The following HIBADH variants were observed in gnomAD, a reference collection of about 807,000 sequenced individuals.
HIBADH encodes 3-hydroxyisobutyrate dehydrogenase, mitochondrial.
In HIBADH, 25 loss-of-function variants were observed where a neutral mutation model predicts 36.1. The observed-to-expected ratio is 0.69, with a 90% CI of 0.50 to 0.97. HIBADH has a LOEUF of 0.97. Among genes scored for constraint, HIBADH ranks in the 50% least tolerant of loss-of-function variants. The pLI is 0.00. For synonymous variants in HIBADH, 160 were observed against 149.5 expected (o/e 1.07, Z -0.51); for missense variants, 421 against 418.0 (o/e 1.01, Z -0.06).
intron 4 of HIBADH, among the ~76,000 whole-genome samples, chr7:27,613,141 AATATATTTTATATAAATAT>A (rs1198710997): frequency 8.4e-6 from 1 of 118,746 alleles, no homozygotes; most frequent in East Asian, 2.2e-4. Context: ...TATTTATATA[AATATATTTTATATAAATAT>A]ATATATTTAT....
Position 27,603,057 on chromosome 7 carries a change from T to C in HIBADH, c.484+26314A>G, listed in dbSNP as rs368815142. Among the ~76,000 whole-genome samples the C allele has an allele frequency of 2.4e-4, 36 of 152,212 alleles. No homozygotes were observed. In the East Asian group the frequency reaches 5.4e-3, roughly 23 times the overall value. On this transcript the variant is annotated intron_variant, in intron 4 of 7. Coordinates refer to ENST00000265395, the MANE Select transcript of HIBADH (RefSeq NM_152740.4). The stretch of plus-strand genomic sequence containing the variant: ...TGTCGTTTTCACCCCTTTTTTCTTC[T>C]CCCTTGCTTGCTCATGCCCCCTCAC...
intron 4 of HIBADH, among the ~76,000 whole-genome samples, chr7:27,564,304 A>G (rs747280230): frequency 1.1e-4 from 16 of 152,166 alleles, no homozygotes; most frequent in Non-Finnish European, 1.8e-4. Flanking sequence ...ATTTTCTCAT[A>G]TATTTTCTTC....
chr7:27,527,918 G>GT (rs746260280), intron 7 of HIBADH, among the ~76,000 whole-genome samples: 3,246 of 61,498 alleles, frequency 0.053, 148 homozygotes, highest in Non-Finnish European at 0.077. Flanking sequence ...CACACCCAGC[G>GT]TTTTTTTTTT....
chr7:27,629,306 C>A, intron 4 of HIBADH, 65 bp downstream of exon 4: 2 of 1,519,748 alleles, frequency 1.3e-6, no homozygotes, highest in South Asian at 1.3e-5. Context: ...TATGGTACAA[C>A]AAAACCATAA....
intron 4 of HIBADH, among the ~76,000 whole-genome samples, chr7:27,564,962 C>A (rs1784524143): frequency 6.6e-6 from 1 of 152,126 alleles, no homozygotes; most frequent in South Asian, 2.1e-4. Context: ...GAAATCTGGG[C>A]CCTTGCTGAT....
At chr7:27,572,148 T>C (rs1784638167) in intron 4 of HIBADH, among the ~76,000 whole-genome samples, 1 of 152,194 alleles carries the variant, frequency 6.6e-6, no homozygotes, top group Non-Finnish European at 1.5e-5. Flanking sequence ...CCAGAGCCCC[T>C]GTTTTCTGGA....
At chr7:27,527,058 CAATGTGACAGCAAAT>C (rs1358356749) in intron 7 of HIBADH, among the ~76,000 whole-genome samples, 3 of 151,804 alleles carry the variant, frequency 2.0e-5, no homozygotes, top group African/African-American at 7.3e-5. Context: ...TCCTGGCAGA[CAATGTGACAGCAAAT>C]GTGAAGCAAA....
At chr7:27,564,057 C>T (rs1427695454) in intron 4 of HIBADH, among the ~76,000 whole-genome samples, 2 of 152,056 alleles carry the variant, frequency 1.3e-5, no homozygotes, top group African/African-American at 4.8e-5. Context: ...TGCCACCACA[C>T]CCAGCTAATT....
rs536977555 is a variant in HIBADH at position 27,585,841 on chromosome 7, A to AT, written c.485-42742dup. The stretch of plus-strand genomic sequence containing the variant: ...AATGGTTGTATTTTCTAGGTACATG[A>AT]TTTTTTTTTAAATTTTTTTGGAGAA... On this transcript the variant is annotated intron_variant, in intron 4 of 7. Transcript: ENST00000265395. Among the ~76,000 whole-genome samples the AT allele has an allele frequency of 2.7e-3, 407 of 151,892 alleles. 3 individuals are homozygous for AT. Among genetic ancestry groups the AT allele is most frequent in the South Asian group, 0.025 (119 of 4,796 alleles).
chr7:27,530,207 T>A (rs1251763498), intron 7 of HIBADH, among the ~76,000 whole-genome samples: 1 of 9,496 alleles, frequency 1.1e-4, no homozygotes, highest in South Asian at 2.5e-3. Context: ...ATTCTTTTTC[T>A]TTTTTTTTTT....
At chr7:27,642,215 G>A (rs1007779898) in intron 2 of HIBADH, among the ~76,000 whole-genome samples, 1 of 104,720 alleles carries the variant, frequency 9.5e-6, no homozygotes, top group Non-Finnish European at 1.9e-5. Flanking sequence ...GAATCTTGGA[G>A]ACCTTGTCCT....
intron 4 of HIBADH, among the ~76,000 whole-genome samples, chr7:27,555,603 C>T (rs2128186046): frequency 6.6e-6 from 1 of 152,214 alleles, no homozygotes; most frequent in African/African-American, 2.4e-5. Context: ...AATTGGTCTC[C>T]TGCATGTCCA....
intron 6 of HIBADH, among the ~76,000 whole-genome samples, chr7:27,537,022 T>G (rs895339402): frequency 6.6e-6 from 1 of 152,152 alleles, no homozygotes; most frequent in African/African-American, 2.4e-5. Context: ...ATTTTCCTCT[T>G]CCATGAAATT....
chr7:27,595,295 T>C (rs1583587469), intron 4 of HIBADH, among the ~76,000 whole-genome samples: 2 of 152,176 alleles, frequency 1.3e-5, no homozygotes, highest in South Asian at 2.1e-4. Flanking sequence ...AGTGGGCAGA[T>C]TGCTGGAGGA....
In HIBADH at chr7:27,557,144, G is replaced by GA. The variant is rs1491527352; in HGVS notation, c.485-14045_485-14044insT. 4.0e-3 allele frequency among the ~76,000 whole-genome samples: 336 copies of GA among 83,572 alleles called. 3 individuals carry two copies. Among genetic ancestry groups the GA allele is most frequent in the Non-Finnish European group, 2.0e-3 (91 of 46,552 alleles). 54.8% of individuals were successfully genotyped at this position (83,572 alleles called of 152,430 possible). A position where few individuals can be genotyped will look rare whatever the true frequency, so the allele number is the denominator to read the frequency against. ...AACAGAGTGAGACCCTGTCTAAAAA[G>GA]GAAAAAAAAAAAAATTGGCATTTTT... On this transcript the variant is annotated intron_variant, in intron 4 of 7. Transcript: ENST00000265395.
At chr7:27,562,734 G>A (rs894458560) in intron 4 of HIBADH, among the ~76,000 whole-genome samples, 1 of 152,122 alleles carries the variant, frequency 6.6e-6, no homozygotes, top group African/African-American at 2.4e-5. Flanking sequence ...CTGAGATTAT[G>A]GGTATGAGCC....
At chr7:27,543,862 T>C (rs562781392) in intron 4 of HIBADH, among the ~76,000 whole-genome samples, 10 of 152,224 alleles carry the variant, frequency 6.6e-5, no homozygotes, top group Non-Finnish European at 1.3e-4. Flanking sequence ...ATTCTAATGA[T>C]TGGAGAAAGA....
intron 4 of HIBADH, among the ~76,000 whole-genome samples, chr7:27,585,739 G>GT (rs1784852818): frequency 6.6e-6 from 1 of 152,176 alleles, no homozygotes; most frequent in African/African-American, 2.4e-5. Flanking sequence ...TGTCCTAAAA[G>GT]TGAGTGAGTT....
intron 4 of HIBADH, among the ~76,000 whole-genome samples, chr7:27,623,449 A>C (rs968681181): frequency 5.9e-5 from 9 of 152,272 alleles, no homozygotes; most frequent in African/African-American, 2.2e-4. Context: ...AATCGGAATA[A>C]AGGAAGTTAA....
Sources: gnomAD v4.1 joint callset for allele counts (sites outside exome capture counted in the v4.1 genomes callset) on GRCh38, gnomAD v4.1.1 for gene constraint, MANE v1.5 for transcripts, NCBI Gene and HGNC (gene_info 2026-07-23, HGNC 2026-07-21) for gene names.